The following DYNC2H1 variants were observed in gnomAD, a reference collection of about 807,000 sequenced individuals.
DYNC2H1 encodes cytoplasmic dynein 2 heavy chain 1.
DYNC2H1 carries 410 observed loss-of-function variants against 570.0 expected under a neutral mutation model. The ratio of observed to expected loss-of-function variants is 0.72; its 90% CI spans 0.66 to 0.78. The LOEUF (loss-of-function observed/expected upper bound fraction) is 0.78. DYNC2H1 is among the 30% of genes least tolerant of loss of function. The pLI is 0.00. For missense variants in DYNC2H1, 4,865 were observed against 5,046.4 expected (o/e 0.96, Z 1.09); for synonymous variants, 1,688 against 1,677.6 (o/e 1.01, Z -0.15).
At chr11:103,304,818 T>C (rs1867211002) in intron 77 of DYNC2H1, 98 bp downstream of exon 77, 12 of 1,209,234 alleles carry the variant, frequency 9.9e-6, no homozygotes, top group Non-Finnish European at 1.3e-5. Flanking sequence ...TTTATGATGA[T>C]TTAAAAAGTA....
intron 88 of DYNC2H1, among the ~76,000 whole-genome samples, chr11:103,471,651 A>T (rs1487324003): frequency 6.6e-6 from 1 of 152,220 alleles, no homozygotes; most frequent in African/African-American, 2.4e-5. Flanking sequence ...ATCTTATTTC[A>T]TATGGTACTT....
intron 60 of DYNC2H1, among the ~76,000 whole-genome samples, chr11:103,233,039 A>T (rs1223460885): frequency 6.6e-6 from 1 of 151,952 alleles, no homozygotes; most frequent in Non-Finnish European, 1.5e-5. Flanking sequence ...GCTAGTGGTT[A>T]TTTGTCCATA....
chr11:103,164,548 G>A (rs1861221365), intron 30 of DYNC2H1, among the ~76,000 whole-genome samples: 1 of 152,184 alleles, frequency 6.6e-6, no homozygotes, highest in Non-Finnish European at 1.5e-5. Context: ...GAAGGAGGCA[G>A]TGTGGTAAAG....
rs1355880097 is a variant in DYNC2H1, at chr11:103,170,110, T to C, written c.4971T>C (p.Gly1657=). Residue 1657 remains glycine, a splice_region_variant and synonymous_variant, in exon 33 of 89, where the codon GGT becomes GGC. Coordinates refer to ENST00000375735, the MANE Select transcript of DYNC2H1 (RefSeq NM_001377.3). The surrounding 1 kb of genome is among the most constrained non-coding windows in gnomAD (Gnocchi z 4.8). ...SEFQYTYEYQ[G]NASKLVYTPL... ...GACTTTGTGTTGTTCTTGTATAGGG[T>C]AATGCTTCCAAACTGGTTTATACTC... 2 of 1,610,046 alleles carry C rather than the reference T, an allele frequency of 1.2e-6. No homozygotes were observed. The highest frequency in any genetic ancestry group is 1.7e-4 in the Middle Eastern group (1 of 6,044).
chr11:103,413,880 A>G (rs1242070944), intron 84 of DYNC2H1, among the ~76,000 whole-genome samples: 1 of 152,242 alleles, frequency 6.6e-6, no homozygotes, highest in Non-Finnish European at 1.5e-5. Context: ...TTAATAGAAT[A>G]CACTTTCTCT....
At chr11:103,184,104 G>A (rs1861967511) in intron 40 of DYNC2H1, among the ~76,000 whole-genome samples, 1 of 151,828 alleles carries the variant, frequency 6.6e-6, no homozygotes, top group Admixed American at 6.6e-5. Context: ...TTCAGTCTTA[G>A]CTTAAATGTC....
At position 103,117,819 on chromosome 11, in the gene DYNC2H1, T is replaced by G; in HGVS notation, c.955T>G (p.Tyr319Asp). 1 of 1,613,026 alleles carries G rather than the reference T, an allele frequency of 6.2e-7. No homozygotes were observed. Among genetic ancestry groups the G allele is most frequent in the South Asian group, 1.1e-5 (1 of 90,950 alleles). ...TCCTCATCCATGGAAAAATGAAAAA[T>G]ATTTTCCAGAAACACTTGACAAACT... is the stretch of plus-strand genomic sequence containing the variant. ...YVPHPWKNEK[Y>D]FPETLDKLGK... The change falls in exon 6 of 89, where the codon TAT (tyrosine) becomes GAT (aspartate). Residue 319 changes from tyrosine (Y) to aspartate (D), a missense_variant. Tyr to Asp is a radical substitution (Grantham distance 160, BLOSUM62 -3). Coordinates refer to ENST00000375735, the MANE Select transcript of DYNC2H1 (RefSeq NM_001377.3).
At chr11:103,417,244 T>C (rs1284747437) in intron 84 of DYNC2H1, among the ~76,000 whole-genome samples, 2 of 151,964 alleles carry the variant, frequency 1.3e-5, no homozygotes, top group Non-Finnish European at 2.9e-5. Context: ...CACACCCAGC[T>C]AATTTTTATA....
intron 47 of DYNC2H1, 84 bp from the exon 48 acceptor site, chr11:103,197,849 A>C (rs1862561670): frequency 7.1e-6 from 10 of 1,414,838 alleles, no homozygotes; most frequent in Non-Finnish European, 8.6e-6. Context: ...TTATTAACTT[A>C]AAAATGTTTT....
intron 84 of DYNC2H1, among the ~76,000 whole-genome samples, chr11:103,419,608 A>G (rs1280127593): frequency 1.3e-5 from 2 of 152,124 alleles, no homozygotes; most frequent in East Asian, 1.9e-4. Context: ...TTTAAAATAA[A>G]AGACCCTACA....
intron 9 of DYNC2H1, 71 bp downstream of exon 9, chr11:103,121,107 T>C (rs1858682758): frequency 2.0e-6 from 2 of 1,020,716 alleles, no homozygotes; most frequent in African/African-American, 1.7e-5. Context: ...CTTCGTTGCA[T>C]ACCATTTAGG....
chr11:103,175,733 A>G (rs1367278692), intron 36 of DYNC2H1, among the ~76,000 whole-genome samples: 2 of 152,168 alleles, frequency 1.3e-5, no homozygotes, highest in African/African-American at 4.8e-5. Context: ...GTGAGACGAT[A>G]TTGGTATATT....
chr11:103,142,989 C>T (rs1860037642), intron 17 of DYNC2H1, among the ~76,000 whole-genome samples: 1 of 152,112 alleles, frequency 6.6e-6, no homozygotes, highest in Non-Finnish European at 1.5e-5. Flanking sequence ...GAAATGATTC[C>T]ACCTTTGAAG....
chr11:103,461,689 A>G lies in DYNC2H1; in HGVS notation c.12648+5333A>G, dbSNP rs568787312. 4.7e-4 allele frequency among the ~76,000 whole-genome samples: 71 copies of G among 151,712 alleles called. No homozygotes were observed. Among genetic ancestry groups the G allele is most frequent in the African/African-American group, 8.2e-4 (34 of 41,352 alleles). ...ATTGTAGCTCTGCATGGAACGGTCA[A>G]TTCCCTAGAAAATGTAAACATCCTT... is the stretch of plus-strand genomic sequence containing the variant. On this transcript the variant is annotated intron_variant, in intron 87 of 88. Coordinates refer to ENST00000375735, the MANE Select transcript of DYNC2H1 (RefSeq NM_001377.3). This position sits in a 1 kb window ranked among gnomAD's most constrained non-coding sequence, Gnocchi z 4.8.
chr11:103,437,221 C>G (rs1204507663), intron 85 of DYNC2H1, among the ~76,000 whole-genome samples: 1 of 152,122 alleles, frequency 6.6e-6, no homozygotes, highest in East Asian at 1.9e-4. Context: ...TCTCTCTCAT[C>G]TACAAATTTG....
intron 82 of DYNC2H1, among the ~76,000 whole-genome samples, chr11:103,355,838 A>G (rs906882086): frequency 1.3e-5 from 2 of 152,158 alleles, no homozygotes; most frequent in African/African-American, 2.4e-5. Context: ...CAGCCTCCCC[A>G]GTAGTTACAG....
In DYNC2H1 at chr11:103,181,795, G is replaced by T; in HGVS notation, c.6386G>T (p.Trp2129Leu). The change falls in exon 40 of 89, where the codon TGG becomes TTG. Residue 2129 changes from tryptophan (W) to leucine (L), a missense_variant. This residue lies in a region of DYNC2H1 where 231 missense variants were observed against 310.3 expected (regional missense o/e 0.74). Transcript: ENST00000375735. This position sits in a 1 kb window ranked among gnomAD's most constrained non-coding sequence, Gnocchi z 5.0. ...ETDLNSLIKSWLRNQPAEYRN... is the reference protein window; with the variant it reads ...ETDLNSLIKSLLRNQPAEYRN... ...GATCTTAATTCTCTGATAAAATCTT[G>T]GTTGAGGAATCAGCCTGCTGAATAT... 1 of 1,575,400 alleles carries T rather than the reference G, an allele frequency of 6.3e-7. No individual in the cohort carries two copies. Among genetic ancestry groups the T allele is most frequent in the East Asian group, 2.3e-5 (1 of 43,326 alleles).
chr11:103,242,923 G>A (rs1279777096), intron 63 of DYNC2H1, among the ~76,000 whole-genome samples: 2 of 152,086 alleles, frequency 1.3e-5, no homozygotes, highest in Non-Finnish European at 2.9e-5. Context: ...GTTTCACCAT[G>A]TTGGCTGGGA....
intron 84 of DYNC2H1, among the ~76,000 whole-genome samples, chr11:103,413,253 T>C (rs75545993): frequency 0.03 from 4,598 of 152,316 alleles, 225 homozygotes; most frequent in African/African-American, 0.11. Context: ...TAAAAGCCTA[T>C]TTTTATTGTT....
Sources: allele counts gnomAD v4.1 joint callset (sites outside exome capture counted in the v4.1 genomes callset), GRCh38; gene constraint gnomAD v4.1.1; regional missense constraint gnomAD v4.1.1; non-coding constraint Gnocchi (gnomAD v3.1); transcripts MANE v1.5; gene names NCBI Gene and HGNC (gene_info 2026-07-23, HGNC 2026-07-21).